PYCR3: variants seen among roughly 807,000 people sequenced by gnomAD.
PYCR3 encodes the protein pyrroline-5-carboxylate reductase 3, also known as P5C reductase 3.
A neutral mutation model predicts 23.4 loss-of-function variants in PYCR3; 26 were observed. The ratio of observed to expected loss-of-function variants is 1.11; its 90% CI spans 0.81 to 1.54. PYCR3 has a LOEUF of 1.54. Ranked by LOEUF, PYCR3 falls within the 40% of genes most tolerant of loss-of-function variation. PYCR3 has a pLI of 0.00. For synonymous variants in PYCR3, 194 were observed against 162.6 expected, an observed-to-expected ratio of 1.19 and a Z score of -1.47; for missense variants, 360 against 376.3, an observed-to-expected ratio of 0.96 and a Z score of 0.36.
In PYCR3 at chr8:143,609,538, G is replaced by A. The variant is rs1219618535; in HGVS notation, c.11C>T (p.Ala4Val). 3 of 1,509,662 alleles carry A rather than the reference G, an allele frequency of 2.0e-6. No individual in the cohort carries two copies. The highest frequency in any genetic ancestry group is 1.2e-5 in the South Asian group (1 of 81,404). 93.5% of individuals were successfully genotyped at this position (1,509,662 alleles called of 1,614,324 possible). A position where few individuals can be genotyped will look rare whatever the true frequency, so the allele number is the denominator to read the frequency against. MAA[A>V]EPSPRRVGFV... Reference sequence around the variant, plus strand: ...GCCCACGCGCCGCGGAGACGGCTCCGCAGCTGCCATCTTGTTGCCTCGGAC... The same window carrying A: ...GCCCACGCGCCGCGGAGACGGCTCCACAGCTGCCATCTTGTTGCCTCGGAC... Residue 4 changes from alanine (A) to valine (V), a missense_variant, in exon 1 of 6, where the codon GCG becomes GTG. Ala to Val is a moderately conservative substitution (Grantham distance 64). Transcript: ENST00000495276.
chr8:143,608,591 G>A, intron 1 of PYCR3: 2 of 328,302 alleles, frequency 6.1e-6, no homozygotes, highest in Non-Finnish European at 1.2e-5. Flanking sequence ...CTACTTGGTA[G>A]AAATTATCTG....
chr8:143,607,473 T>G (rs552454826), intron 2 of PYCR3, among the ~76,000 whole-genome samples: 45 of 151,694 alleles, frequency 3.0e-4, no homozygotes, highest in Non-Finnish European at 6.0e-4. Flanking sequence ...CTCACGAGCA[T>G]ACATACACAT....
rs1474563045 is a variant in PYCR3, at chr8:143,605,655, G to A, written c.*45C>T. 5.8e-6 allele frequency: 9 copies of A among 1,541,794 alleles called. No homozygotes were observed. The highest frequency in any genetic ancestry group is 1.4e-5 in the African/African-American group (1 of 73,492). ...CAGTCCTCAGGGGAAGGGACACAGGGAGAGGCAGGGGCACAGAGGCAGGAA... is the reference window on the plus strand; with the variant it reads ...CAGTCCTCAGGGGAAGGGACACAGGAAGAGGCAGGGGCACAGAGGCAGGAA... On this transcript the variant is annotated 3_prime_UTR_variant, in exon 6 of 6. Transcript: ENST00000495276.
Position 143,609,501 on chromosome 8 carries a change from C to T in PYCR3, c.48G>A (p.Ala16=). Residue 16 remains alanine (A), a synonymous_variant, in exon 1 of 6, where the codon GCG becomes GCA. Transcript: ENST00000495276. ...PSPRRVGFVG[A]GRMAGAIAQG... ...GCGCGATGGCCCCCGCCATGCGGCC[C>T]GCGCCCACGAAGCCCACGCGCCGCG... The T allele has an allele frequency of 6.6e-7, 1 of 1,516,372 alleles. No individual in the cohort carries two copies. The highest frequency in any genetic ancestry group is 1.2e-5 in the South Asian group (1 of 82,156). The allele number at this position is 1,516,372 out of a possible 1,614,324, so 93.9% of individuals were successfully genotyped here. A position where few individuals can be genotyped will look rare whatever the true frequency, so the allele number is the denominator to read the frequency against.
At chr8:143,607,529 C>T (rs942872345) in intron 2 of PYCR3, among the ~76,000 whole-genome samples, 3 of 152,170 alleles carry the variant, frequency 2.0e-5, no homozygotes, top group African/African-American at 7.2e-5. Flanking sequence ...CACACACACC[C>T]ACTCGAGCAT....
Position 143,605,668 on chromosome 8 carries a change from A to C in PYCR3, c.*32T>G. Reference sequence around the variant, plus strand: ...AAGGGACACAGGGAGAGGCAGGGGCACAGAGGCAGGAAAGGATGGCCAGAG... The same window carrying C: ...AAGGGACACAGGGAGAGGCAGGGGCCCAGAGGCAGGAAAGGATGGCCAGAG... On this transcript the variant is annotated 3_prime_UTR_variant, in exon 6 of 6. Coordinates refer to ENST00000495276, the MANE Select transcript of PYCR3 (RefSeq NM_023078.6). 6.4e-7 allele frequency: 1 copy of C among 1,567,576 alleles called. No homozygotes were observed. Among genetic ancestry groups the C allele is most frequent in the African/African-American group, 1.3e-5 (1 of 74,210 alleles).
At position 143,604,474 on chromosome 8, in the gene PYCR3, A is replaced by G. The variant is rs1346418389; in HGVS notation, c.*1226T>C. The G allele has an allele frequency of 2.4e-5, 5 of 212,458 alleles. No individual in the cohort carries two copies. Among genetic ancestry groups the G allele is most frequent in the Non-Finnish European group, 4.8e-5 (5 of 104,402 alleles). 13.2% of individuals were successfully genotyped at this position (212,458 alleles called of 1,614,324 possible). On this transcript the variant is annotated 3_prime_UTR_variant, in exon 6 of 6. Transcript: ENST00000495276. ...GTGCTGCTGTCCTGCAGGTGCCGTT[A>G]GCCCTGTTTTGCACTGGTGGATTGA...
At position 143,603,829 on chromosome 8, in the gene PYCR3, C is replaced by A. The variant is rs974855491; in HGVS notation, c.*1871G>T. On this transcript the variant is annotated 3_prime_UTR_variant, in exon 6 of 6. Transcript: ENST00000495276. ...ACCTCTGCTGTCCACAGTGCCAGCA[C>A]CCCCTTCGGCTGACACCTGTGCTTG... 2 of 152,048 alleles carry A rather than the reference C, an allele frequency of 1.3e-5. No individual in the cohort carries two copies. The highest frequency in any genetic ancestry group is 4.8e-5 in the African/African-American group (2 of 41,382). 9.4% of individuals were successfully genotyped at this position (152,048 alleles called of 1,614,324 possible).
At position 143,605,572 on chromosome 8, in the gene PYCR3, T is replaced by G; in HGVS notation, c.*128A>C. ...CCTCCCAAGTCCTGCCCCCTGCATT[T>G]CCCTGTGCAAGGGGAGAAGGAGCAG... is the stretch of plus-strand genomic sequence containing the variant. On this transcript the variant is annotated 3_prime_UTR_variant, in exon 6 of 6. Transcript: ENST00000495276. The G allele has an allele frequency of 1.1e-6, 1 of 894,818 alleles. No individual in the cohort carries two copies. Among genetic ancestry groups the G allele is most frequent in the South Asian group, 1.8e-5 (1 of 56,886 alleles). 55.4% of individuals were successfully genotyped at this position (894,818 alleles called of 1,614,324 possible). A position where few individuals can be genotyped will look rare whatever the true frequency, so the allele number is the denominator to read the frequency against.
At chr8:143,608,501 GGCC>G in intron 1 of PYCR3, 1 of 339,176 alleles carries the variant, frequency 2.9e-6, no homozygotes, top group South Asian at 2.7e-5. Context: ...GCAGTTGATT[GGCC>G]ACAGAAGGCC....
chr8:143,606,001 G>C, intron 5 of PYCR3, 61 bp downstream of exon 5: 1 of 1,558,770 alleles, frequency 6.4e-7, no homozygotes, highest in Non-Finnish European at 8.7e-7. Flanking sequence ...GTTTCCCTGC[G>C]CACTGGAAGA....
chr8:143,608,522 G>T, intron 1 of PYCR3: 1 of 321,552 alleles, frequency 3.1e-6, no homozygotes, highest in Non-Finnish European at 6.0e-6. Context: ...GCCCAATCGG[G>T]GCCCAGGTTC....
At chr8:143,607,397 A>T (rs887238639) in intron 2 of PYCR3, among the ~76,000 whole-genome samples, 15 of 152,146 alleles carry the variant, frequency 9.9e-5, no homozygotes, top group African/African-American at 3.6e-4. Flanking sequence ...CCAGCATGCA[A>T]ACACACCCAT....
At position 143,605,648 on chromosome 8, in the gene PYCR3, A is replaced by G; in HGVS notation, c.*52T>C. On this transcript the variant is annotated 3_prime_UTR_variant, in exon 6 of 6. Coordinates refer to ENST00000495276, the MANE Select transcript of PYCR3 (RefSeq NM_023078.6). ...GGAGCCGCAGTCCTCAGGGGAAGGG[A>G]CACAGGGAGAGGCAGGGGCACAGAG... The G allele has an allele frequency of 6.6e-7, 1 of 1,517,956 alleles. No homozygotes were observed. Among genetic ancestry groups the G allele is most frequent in the African/African-American group, 1.4e-5 (1 of 73,084 alleles). The allele number at this position is 1,517,956 out of a possible 1,614,324, so 94.0% of individuals were successfully genotyped here.
rs757415553 is a variant in PYCR3, at chr8:143,605,893, C to T, written c.643-11G>A. The T allele has an allele frequency of 2.3e-5, 37 of 1,595,246 alleles. No homozygotes were observed. Among genetic ancestry groups the T allele is most frequent in the African/African-American group, 4.0e-5 (3 of 74,580 alleles). ...CATCTTGGCCGTCCCCTGAGGAGAG[C>T]GTTAGGGCCTGGTGACGGGGGGAGG... On this transcript the variant is annotated splice_polypyrimidine_tract_variant and intron_variant, in intron 5 of 5. Coordinates refer to ENST00000495276, the MANE Select transcript of PYCR3 (RefSeq NM_023078.6).
chr8:143,607,086 C>T lies in PYCR3; in HGVS notation c.203G>A (p.Ser68Asn), dbSNP rs1829423575. The part of the protein sequence containing the change: ...TTHSNQEVLQ[S>N]CLLVIFATKP... The stretch of plus-strand genomic sequence containing the variant: ...GGTGGCAAAGATGACGAGCAGGCAG[C>T]TCTGCAGCACCTCCTGGTTGGAGTG... Residue 68 changes from serine to asparagine, a missense_variant, in exon 3 of 6, where the codon AGC becomes AAC. By Grantham distance (46) the Ser-to-Asn change is conservative. Transcript: ENST00000495276. The T allele has an allele frequency of 3.7e-6, 6 of 1,610,068 alleles. No homozygotes were observed. Among genetic ancestry groups the T allele is most frequent in the Non-Finnish European group, 5.1e-6 (6 of 1,178,672 alleles).
At position 143,606,526 on chromosome 8, in the gene PYCR3, C is replaced by T. The variant is rs267601813; in HGVS notation, c.490G>A (p.Glu164Lys). Residue 164 changes from glutamate (E) to lysine (K), a missense_variant, in exon 4 of 6, where the codon GAG (glutamate) becomes AAG (lysine). Transcript: ENST00000495276. ...ATGTCGACGTAGGCTTCAGGCACCT[C>T]CTCACACCGCCCACAGGCCTCCAGC... ...HLLEACGRCE[E>K]VPEAYVDIHT... The T allele has an allele frequency of 3.7e-6, 6 of 1,612,806 alleles. No homozygotes were observed. The Admixed American group carries it at 5.0e-5, about 13-fold the overall frequency.
chr8:143,606,033 G>A (rs763477233), intron 5 of PYCR3, 29 bp downstream of exon 5: 21 of 1,593,416 alleles, frequency 1.3e-5, no homozygotes, highest in South Asian at 9.0e-5. Flanking sequence ...GGGCCTTCCC[G>A]ATGTTCCCCA....
chr8:143,609,331 G>T, intron 1 of PYCR3, 127 bp downstream of exon 1: 3 of 1,126,544 alleles, frequency 2.7e-6, no homozygotes, highest in Non-Finnish European at 3.6e-6. Flanking sequence ...GCGTGGCCCC[G>T]GCTGCGCCCA....
Sources: allele counts gnomAD v4.1 joint callset (sites outside exome capture counted in the v4.1 genomes callset), GRCh38; gene constraint gnomAD v4.1.1; transcripts MANE v1.5; gene names NCBI Gene and HGNC (gene_info 2026-07-23, HGNC 2026-07-21).